MS4A4E: variants seen among roughly 807,000 people sequenced by gnomAD.
MS4A4E encodes membrane spanning 4-domains A4E, also known as putative membrane-spanning 4-domains subfamily A member 4E.
Under a neutral mutation model 13.3 loss-of-function variants are expected in MS4A4E, and 23 were observed. The observed-to-expected ratio is 1.73, with a 90% CI of 1.25 to 2.45. The LOEUF is 2.45. Ranked by LOEUF, MS4A4E falls within the 30% of genes most tolerant of loss-of-function variation. The pLI, the probability that MS4A4E is intolerant of heterozygous loss-of-function variation, is 0.00. For synonymous variants in MS4A4E, 36 were observed against 45.6 expected (o/e 0.79, Z 0.85); for missense variants, 144 against 131.2 (o/e 1.10, Z -0.48).
chr11:60,241,363 C>A (rs181383262), intron 1 of MS4A4E, among the ~76,000 whole-genome samples: 1 of 152,148 alleles, frequency 6.6e-6, no homozygotes, highest in Non-Finnish European at 1.5e-5. Context: ...CAATCTCTCA[C>A]GCACACCTTC....
intron 5 of MS4A4E, among the ~76,000 whole-genome samples, chr11:60,212,717 CAGTAACTATTAAGG>C (rs1288796288): frequency 1.3e-5 from 2 of 152,152 alleles, no homozygotes; most frequent in African/African-American, 4.8e-5. Context: ...ATGCCCAGCC[CAGTAACTATTAAGG>C]AGTAGGTGTT....
intron 3 of MS4A4E, among the ~76,000 whole-genome samples, 166 bp from the exon 4 acceptor site, chr11:60,214,780 G>A (rs72920829): frequency 0.013 from 2,031 of 152,152 alleles, 22 homozygotes; most frequent in Middle Eastern, 0.034. Flanking sequence ...TCTTTTCCCA[G>A]AAAGAACAGA....
At chr11:60,225,265 C>T (rs2084326668) in intron 3 of MS4A4E, among the ~76,000 whole-genome samples, 1 of 151,954 alleles carries the variant, frequency 6.6e-6, no homozygotes, top group Non-Finnish European at 1.5e-5. Flanking sequence ...ATTATCTTAC[C>T]AATATTATCT....
intron 2 of MS4A4E, among the ~76,000 whole-genome samples, chr11:60,229,285 A>T (rs553186035): frequency 1.3e-5 from 2 of 152,362 alleles, no homozygotes; most frequent in South Asian, 4.1e-4. Context: ...TTTTATGAGA[A>T]GTAACTATAT....
At chr11:60,207,973 G>A in intron 6 of MS4A4E, among the ~76,000 whole-genome samples, 1 of 152,268 alleles carries the variant, frequency 6.6e-6, no homozygotes, top group East Asian at 1.9e-4. Flanking sequence ...ATAAAACCAA[G>A]TACTTTTGGG....
At chr11:60,218,969 G>C (rs1306740666) in intron 3 of MS4A4E, among the ~76,000 whole-genome samples, 1 of 152,150 alleles carries the variant, frequency 6.6e-6, no homozygotes, top group Admixed American at 6.6e-5. Flanking sequence ...AAAAGTTCTA[G>C]TTTATTTGCT....
At chr11:60,206,232 T>C (rs1390623335) in intron 6 of MS4A4E, among the ~76,000 whole-genome samples, 1 of 152,008 alleles carries the variant, frequency 6.6e-6, no homozygotes, top group Non-Finnish European at 1.5e-5. Flanking sequence ...GTATGTGTTT[T>C]GCATGGAGAC....
rs1400499978 is a variant in MS4A4E at position 60,201,607 on chromosome 11, G to A, written c.932C>T (p.Pro311Leu). The part of the protein sequence containing the change: ...AAIPSRKWGA[P>L]LPGHHPIWEV... ...CCAGATGGGATGGTGGCCGGGAAGA[G>A]GCGCTCCCCACTTCCTAGATGGGAT... The change falls in exon 9 of 9, where the codon CCT becomes CTT. Residue 311 changes from proline to leucine, a missense_variant. Around this residue, in one of 3 missense-constraint regions of MS4A4E, gnomAD observed 21 missense variants for 25.1 expected, o/e 0.84. Transcript: ENST00000651255. 6 of 317,562 alleles carry A rather than the reference G, an allele frequency of 1.9e-5. No homozygotes were observed. Among genetic ancestry groups the A allele is most frequent in the Non-Finnish European group, 3.8e-5 (6 of 159,226 alleles). The allele number at this position is 317,562 out of a possible 1,614,324, so 19.7% of individuals were successfully genotyped here. A position where few individuals can be genotyped will look rare whatever the true frequency, so the allele number is the denominator to read the frequency against.
chr11:60,205,256 G>A (rs2084024923), intron 7 of MS4A4E, among the ~76,000 whole-genome samples: 1 of 152,126 alleles, frequency 6.6e-6, no homozygotes, highest in African/African-American at 2.4e-5. Context: ...GCTTCTAACA[G>A]CATATAAAAA....
chr11:60,220,146 C>T (rs549362972), intron 3 of MS4A4E, among the ~76,000 whole-genome samples: 1 of 152,332 alleles, frequency 6.6e-6, no homozygotes, highest in South Asian at 2.1e-4. Context: ...TTAGTGCCAC[C>T]ATCAAGGACT....
chr11:60,201,454 G>A lies in MS4A4E; in HGVS notation c.*89C>T, dbSNP rs558369539. ...TCAGATGGGGCGGCTGGGCAGAGAC[G>A]CTCCTCACCTCCCAGACGGGGTCGC... On this transcript the variant is annotated 3_prime_UTR_variant, in exon 9 of 9. Coordinates refer to ENST00000651255, the MANE Select transcript of MS4A4E (RefSeq NM_001393391.1). 0.026 allele frequency: 5,597 copies of A among 216,556 alleles called. 93 individuals carry two copies. Among genetic ancestry groups the A allele is most frequent in the South Asian group, 0.041 (845 of 20,598 alleles). 13.4% of individuals were successfully genotyped at this position (216,556 alleles called of 1,614,324 possible). A position where few individuals can be genotyped will look rare whatever the true frequency, so the allele number is the denominator to read the frequency against.
At position 60,206,487 on chromosome 11, in the gene MS4A4E, A is replaced by ACACG. The variant is rs1328328228; in HGVS notation, c.484-668_484-667insCGTG. Among the ~76,000 whole-genome samples, 54 of 65,828 alleles carry ACACG rather than the reference A, an allele frequency of 8.2e-4. 3 individuals are homozygous for ACACG. Among genetic ancestry groups the ACACG allele is most frequent in the South Asian group, 7.8e-3 (17 of 2,186 alleles). The allele number at this position is 65,828 out of a possible 152,430, so 43.2% of individuals were successfully genotyped here. On this transcript the variant is annotated intron_variant, in intron 6 of 8. Coordinates refer to ENST00000651255, the MANE Select transcript of MS4A4E (RefSeq NM_001393391.1). ...TACACACACACACATATATATATAT[A>ACACG]TGTATATATATACGTATATATATAT...
chr11:60,209,689 T>C (rs1397986532), intron 5 of MS4A4E, among the ~76,000 whole-genome samples: 7 of 152,208 alleles, frequency 4.6e-5, no homozygotes, highest in Non-Finnish European at 7.3e-5. Flanking sequence ...CCAAGAAACA[T>C]AGTCAAAATT....
At chr11:60,220,780 C>G (rs926941006) in intron 3 of MS4A4E, among the ~76,000 whole-genome samples, 2 of 152,192 alleles carry the variant, frequency 1.3e-5, no homozygotes, top group Non-Finnish European at 1.5e-5. Context: ...GCCCCCACCC[C>G]CTACAACCAA....
intron 6 of MS4A4E, among the ~76,000 whole-genome samples, chr11:60,207,713 A>T (rs2084065549): frequency 6.6e-6 from 1 of 152,140 alleles, no homozygotes; most frequent in Non-Finnish European, 1.5e-5. Context: ...CCATTTCCTC[A>T]TTCTGGAACC....
chr11:60,210,806 C>T (rs2084111101), intron 5 of MS4A4E, among the ~76,000 whole-genome samples: 7 of 152,104 alleles, frequency 4.6e-5, no homozygotes, highest in Admixed American at 4.6e-4. Flanking sequence ...TTCCAGAAAG[C>T]TCTTATGGAA....
chr11:60,234,848 G>T (rs1294670520), intron 1 of MS4A4E, among the ~76,000 whole-genome samples: 1 of 135,884 alleles, frequency 7.4e-6, no homozygotes, highest in East Asian at 2.1e-4. Flanking sequence ...AAATATAAAG[G>T]AATTAAATTC....
chr11:60,233,319 A>C (rs965445966), intron 1 of MS4A4E, among the ~76,000 whole-genome samples: 4 of 152,234 alleles, frequency 2.6e-5, no homozygotes, highest in Middle Eastern at 3.4e-3. Flanking sequence ...TTTCAACAGT[A>C]ACCTGCTCCC....
At chr11:60,210,698 C>T (rs147420714) in intron 5 of MS4A4E, among the ~76,000 whole-genome samples, 2,307 of 152,034 alleles carry the variant, frequency 0.015, 59 homozygotes, top group African/African-American at 0.052. Flanking sequence ...TTATGTCTAC[C>T]AGGGTGCCAA....
Sources: gnomAD v4.1 joint callset for allele counts (sites outside exome capture counted in the v4.1 genomes callset) on GRCh38, gnomAD v4.1.1 for gene constraint, gnomAD v4.1.1 regional missense constraint, MANE v1.5 for transcripts, NCBI Gene and HGNC (gene_info 2026-07-23, HGNC 2026-07-21) for gene names.